Variants in AGBL4 observed in about 807,000 individuals in gnomAD.
AGBL4 encodes the protein AGBL carboxypeptidase 4, also known as cytosolic carboxypeptidase 6.
AGBL4 carries 58 observed loss-of-function variants against 66.4 expected under a neutral mutation model. That is an observed-to-expected ratio of 0.87 (90% CI 0.71 to 1.09). The LOEUF is 1.09. AGBL4 is among the 50% of genes least tolerant of loss of function. The pLI is 0.00. For missense variants in AGBL4, 579 were observed against 631.0 expected (o/e 0.92, Z 0.88); for synonymous variants, 234 against 222.9 (o/e 1.05, Z -0.44).
At chr1:49,735,011 A>T (rs1447934165) in intron 2 of AGBL4, among the ~76,000 whole-genome samples, 5 of 152,136 alleles carry the variant, frequency 3.3e-5, no homozygotes, top group Admixed American at 2.0e-4. Context: ...ATCAGTTAAA[A>T]GAGGAAAGAA....
At chr1:49,472,552 G>A (rs1646766189) in intron 3 of AGBL4, among the ~76,000 whole-genome samples, 1 of 151,970 alleles carries the variant, frequency 6.6e-6, no homozygotes, top group Admixed American at 6.6e-5. Context: ...GTTAAAAATA[G>A]AAATACCAGA....
intron 6 of AGBL4, among the ~76,000 whole-genome samples, chr1:48,730,482 C>T (rs1224776628): frequency 1.3e-5 from 2 of 152,076 alleles, no homozygotes; most frequent in African/African-American, 4.8e-5. Flanking sequence ...GTAATAATGG[C>T]AGGTAAAGTG....
chr1:49,140,150 A>G (rs1646090576), intron 4 of AGBL4, among the ~76,000 whole-genome samples: 1 of 152,220 alleles, frequency 6.6e-6, no homozygotes. Context: ...TTTTTACAAT[A>G]TACTTTTTTG....
At chr1:49,712,863 T>C in intron 2 of AGBL4, among the ~76,000 whole-genome samples, 1 of 151,964 alleles carries the variant, frequency 6.6e-6, no homozygotes, top group Non-Finnish European at 1.5e-5. Context: ...CTTTAAAAGA[T>C]GAATAATGAC....
intron 3 of AGBL4, among the ~76,000 whole-genome samples, chr1:49,493,437 T>G (rs113673282): frequency 6.6e-6 from 1 of 152,044 alleles, no homozygotes; most frequent in African/African-American, 2.4e-5. Context: ...ATATTTATAA[T>G]GTATAGCCAG....
rs1371243026 is a variant in AGBL4, at chr1:48,909,508, C to T, written c.595-42278G>A. On this transcript the variant is annotated intron_variant, in intron 5 of 13. Transcript: ENST00000371839. ...AGCAATGGCCATTTTGCAGAACCTA[C>T]AGGAGGAATGCAAAACCTCTTCAGA... is the stretch of plus-strand genomic sequence containing the variant. Among the ~76,000 whole-genome samples, 12 of 152,148 alleles carry T rather than the reference C, an allele frequency of 7.9e-5. 1 individual carries two copies.
intron 3 of AGBL4, among the ~76,000 whole-genome samples, chr1:49,333,652 A>G (rs2148494627): frequency 6.6e-6 from 1 of 152,336 alleles, no homozygotes; most frequent in African/African-American, 2.4e-5. Flanking sequence ...AAATAGATCA[A>G]TAATGACAGT....
At chr1:49,580,028 C>T (rs990793300) in intron 3 of AGBL4, among the ~76,000 whole-genome samples, 8 of 152,114 alleles carry the variant, frequency 5.3e-5, no homozygotes, top group Admixed American at 3.9e-4. Flanking sequence ...TTGTTATATT[C>T]TCACGCTCAA....
rs370665224 is a variant in AGBL4 at position 49,253,398 on chromosome 1, C to T, written c.283-7534G>A. Among the ~76,000 whole-genome samples the T allele has an allele frequency of 1.1e-3, 166 of 152,288 alleles. 1 individual carries two copies. The highest frequency in any genetic ancestry group is 3.8e-3 in the African/African-American group (160 of 41,564). On this transcript the variant is annotated intron_variant, in intron 3 of 13. Transcript: ENST00000371839. ...CACCCAACACAGGGTGTTATGTCCCCTATGCACATAAGCTAGAAAATCTAG... is the reference window on the plus strand; with the variant it reads ...CACCCAACACAGGGTGTTATGTCCCTTATGCACATAAGCTAGAAAATCTAG...
At chr1:48,890,248 G>T (rs1025424186) in intron 5 of AGBL4, among the ~76,000 whole-genome samples, 4 of 152,080 alleles carry the variant, frequency 2.6e-5, no homozygotes, top group African/African-American at 9.7e-5. Flanking sequence ...GAATACCTAT[G>T]GTAGAGATGC....
intron 4 of AGBL4, among the ~76,000 whole-genome samples, chr1:49,242,278 C>T (rs1257030290): frequency 6.6e-6 from 1 of 152,014 alleles, no homozygotes; most frequent in Non-Finnish European, 1.5e-5. Context: ...CCATCTCTAA[C>T]AGCTAGTCCA....
chr1:49,232,082 G>A (rs561570099), intron 4 of AGBL4, among the ~76,000 whole-genome samples: 9 of 152,242 alleles, frequency 5.9e-5, no homozygotes, highest in African/African-American at 2.2e-4. Flanking sequence ...GGTTGGGTAA[G>A]TGGGAGTAGC....
intron 5 of AGBL4, among the ~76,000 whole-genome samples, chr1:49,028,136 G>T (rs1571265403): frequency 6.6e-6 from 1 of 152,264 alleles, no homozygotes; most frequent in East Asian, 1.9e-4. Context: ...GCAAATAAAA[G>T]GAAGCTGGTC....
intron 6 of AGBL4, among the ~76,000 whole-genome samples, chr1:48,815,489 C>T (rs975942585): frequency 2.0e-5 from 3 of 152,072 alleles, no homozygotes; most frequent in Non-Finnish European, 4.4e-5. Context: ...TGAATCTGTG[C>T]TTAGTTAACC....
intron 1 of AGBL4, among the ~76,000 whole-genome samples, chr1:49,873,668 T>C (rs540459569): frequency 1.1e-4 from 17 of 152,222 alleles, no homozygotes; most frequent in African/African-American, 3.1e-4. Flanking sequence ...TGGATTACCA[T>C]ATCCTCCCTG....
At position 49,535,754 on chromosome 1, in the gene AGBL4, C is replaced by T. The variant is rs141555412; in HGVS notation, c.282+161559G>A. 1.6e-3 allele frequency among the ~76,000 whole-genome samples: 241 copies of T among 152,250 alleles called. 8 individuals carry two copies. The East Asian group carries it at 0.039, about 25-fold the overall frequency. ...TCCTCCAGGCTGGAGTGCCGTGGCG[C>T]GATCTCGGCTCACTGCAAGCTCGGC... On this transcript the variant is annotated intron_variant, in intron 3 of 13. Transcript: ENST00000371839.
At chr1:49,091,262 A>G (rs1211129747) in intron 4 of AGBL4, among the ~76,000 whole-genome samples, 1 of 152,130 alleles carries the variant, frequency 6.6e-6, no homozygotes, top group East Asian at 1.9e-4. Context: ...GGTTCTGCAT[A>G]GCAAAGAAAA....
chr1:49,513,589 T>C (rs1377196954), intron 3 of AGBL4, among the ~76,000 whole-genome samples: 1 of 151,988 alleles, frequency 6.6e-6, no homozygotes, highest in Non-Finnish European at 1.5e-5. Context: ...AAGGACATGA[T>C]GATTGATTGT....
intron 4 of AGBL4, among the ~76,000 whole-genome samples, chr1:49,142,880 G>A (rs1362456296): frequency 1.3e-5 from 2 of 151,986 alleles, no homozygotes; most frequent in African/African-American, 2.4e-5. Flanking sequence ...GGGCAAGTCA[G>A]ATATTATTCC....
Sources: gnomAD v4.1 joint callset for allele counts (sites outside exome capture counted in the v4.1 genomes callset) on GRCh38, gnomAD v4.1.1 for gene constraint, MANE v1.5 for transcripts, NCBI Gene and HGNC (gene_info 2026-07-23, HGNC 2026-07-21) for gene names.